Variants in STXBP6 observed in about 807,000 individuals in gnomAD.
STXBP6 encodes the protein syntaxin binding protein 6.
STXBP6 carries 21 observed loss-of-function variants against 26.9 expected under a neutral mutation model. The observed-to-expected ratio is 0.78, with a 90% CI of 0.55 to 1.12. STXBP6 has a LOEUF of 1.12. Ranked by LOEUF, STXBP6 falls within the 50% of genes most tolerant of loss-of-function variation. The pLI, the probability that STXBP6 is intolerant of heterozygous loss-of-function variation, is 0.00. For synonymous variants in STXBP6, 97 were observed against 92.6 expected (o/e 1.05, Z -0.27); for missense variants, 232 against 257.9 (o/e 0.90, Z 0.69).
At chr14:24,881,587 G>A (rs1178177436) in intron 2 of STXBP6, among the ~76,000 whole-genome samples, 1 of 152,222 alleles carries the variant, frequency 6.6e-6, no homozygotes, top group East Asian at 1.9e-4. Context: ...AGCCAGTCAT[G>A]ATATGAAGGC....
intron 1 of STXBP6, among the ~76,000 whole-genome samples, chr14:25,024,032 G>A (rs1016764595): frequency 3.3e-5 from 5 of 152,076 alleles, no homozygotes; most frequent in South Asian, 2.1e-4. Flanking sequence ...CATCTTGGCC[G>A]GGCGTGGTGG....
rs2073378552 is a variant in STXBP6, at chr14:24,957,392, C to T, written c.154+17273G>A. On this transcript the variant is annotated intron_variant, in intron 2 of 5. Coordinates refer to ENST00000323944, the MANE Select transcript of STXBP6 (RefSeq NM_001394410.1). ...CAATCAAGCTAGTGGCAAAACTTGT[C>T]ATCACGATCCTAATGTGTGTCAAGC... Among the ~76,000 whole-genome samples the T allele has an allele frequency of 2.0e-5, 3 of 152,346 alleles. 1 individual carries two copies. The highest frequency in any genetic ancestry group is 4.1e-4 in the South Asian group (2 of 4,828).
At chr14:25,041,010 C>T (rs1208403170) in intron 1 of STXBP6, among the ~76,000 whole-genome samples, 3 of 152,086 alleles carry the variant, frequency 2.0e-5, no homozygotes, top group Admixed American at 2.0e-4. Context: ...TTCCTATATT[C>T]AAGGTAGACA....
At chr14:24,897,865 C>G (rs191821557) in intron 2 of STXBP6, among the ~76,000 whole-genome samples, 1 of 152,290 alleles carries the variant, frequency 6.6e-6, no homozygotes, top group Non-Finnish European at 1.5e-5. Context: ...TGCCTACAGA[C>G]TAAGTGGCTT....
intron 2 of STXBP6, among the ~76,000 whole-genome samples, chr14:24,957,128 T>C (rs758532315): frequency 2.0e-5 from 3 of 152,094 alleles, no homozygotes; most frequent in East Asian, 1.9e-4. Context: ...GTATGAGTTG[T>C]CCCCATTGTC....
rs375146251 is a variant in STXBP6, at chr14:24,988,136, G to A, written c.-32-13286C>T. ...ACCAGATAGAGAAATCACATAATGC[G>A]GGGCCAAAGTGCTCCTAGACTTCTA... is the stretch of plus-strand genomic sequence containing the variant. On this transcript the variant is annotated intron_variant, in intron 1 of 5. Coordinates refer to ENST00000323944, the MANE Select transcript of STXBP6 (RefSeq NM_001394410.1). Among the ~76,000 whole-genome samples, 95 of 152,318 alleles carry A rather than the reference G, an allele frequency of 6.2e-4. 1 individual carries two copies. The East Asian group carries it at 0.011, about 18-fold the overall frequency.
intron 2 of STXBP6, among the ~76,000 whole-genome samples, chr14:24,886,561 T>A (rs563065319): frequency 2.6e-5 from 4 of 152,324 alleles, no homozygotes; most frequent in Admixed American, 1.3e-4. Flanking sequence ...CATGTTCTTG[T>A]TATTTTATTC....
rs565248942 is a variant in STXBP6, at chr14:24,856,961, C to T, written c.285+66G>A. On this transcript the variant is annotated intron_variant, in intron 3 of 5. Transcript: ENST00000323944. The stretch of plus-strand genomic sequence containing the variant: ...TGATTCAAACCACCACTACCACTAC[C>T]AAGGTCAATCAGAGAGTCATCTTGT... The T allele has an allele frequency of 3.6e-5, 57 of 1,568,274 alleles. No homozygotes were observed. In the South Asian group the frequency reaches 6.2e-4, roughly 17 times the overall value.
chr14:25,015,542 A>G (rs908148661), intron 1 of STXBP6, among the ~76,000 whole-genome samples: 1 of 152,184 alleles, frequency 6.6e-6, no homozygotes, highest in African/African-American at 2.4e-5. Flanking sequence ...TAGAAAAAAA[A>G]AATCCTTTTG....
chr14:24,889,373 TAAG>T (rs1449588202), intron 2 of STXBP6, among the ~76,000 whole-genome samples: 1 of 127,516 alleles, frequency 7.8e-6, no homozygotes, highest in Non-Finnish European at 1.6e-5. Flanking sequence ...CAGGATGCTA[TAAG>T]AATACCCAGA....
At chr14:24,874,733 T>C (rs1444793214) in intron 2 of STXBP6, among the ~76,000 whole-genome samples, 1 of 152,190 alleles carries the variant, frequency 6.6e-6, no homozygotes, top group African/African-American at 2.4e-5. Context: ...TATGTGAGAA[T>C]CCATAACATG....
At chr14:24,843,650 A>T (rs1295246161) in intron 4 of STXBP6, among the ~76,000 whole-genome samples, 3 of 152,230 alleles carry the variant, frequency 2.0e-5, no homozygotes, top group Non-Finnish European at 4.4e-5. Context: ...ATTCATCCAC[A>T]GACCAATAAC....
chr14:24,867,647 A>G (rs1435621612), intron 2 of STXBP6, among the ~76,000 whole-genome samples: 1 of 151,116 alleles, frequency 6.6e-6, no homozygotes, highest in African/African-American at 2.4e-5. Context: ...TATACTTTGT[A>G]CTATACACAA....
At chr14:24,836,510 A>C (rs1375100736) in intron 4 of STXBP6, among the ~76,000 whole-genome samples, 1 of 146,512 alleles carries the variant, frequency 6.8e-6, no homozygotes, top group Non-Finnish European at 1.5e-5. Context: ...AGTCAGGAAG[A>C]ATTGCTTGAA....
chr14:24,810,867 G>GTGTGTGTC lies in STXBP6; in HGVS notation c.*1841_*1842insGACACACA, dbSNP rs1566366702. 1 of 138,856 alleles carries GTGTGTGTC rather than the reference G, an allele frequency of 7.2e-6. No individual in the cohort carries two copies. Among genetic ancestry groups the GTGTGTGTC allele is most frequent in the African/African-American group, 2.7e-5 (1 of 37,248 alleles). The allele number at this position is 138,856 out of a possible 1,614,324, so 8.6% of individuals were successfully genotyped here. A position where few individuals can be genotyped will look rare whatever the true frequency, so the allele number is the denominator to read the frequency against. On this transcript the variant is annotated 3_prime_UTR_variant, in exon 6 of 6. Coordinates refer to ENST00000323944, the MANE Select transcript of STXBP6 (RefSeq NM_001394410.1). ...AATTTGGAAAGATAAATACATCTCT[G>GTGTGTGTC]TGTGTGTGTGTGTGTGTGTGTGTGT...
intron 1 of STXBP6, among the ~76,000 whole-genome samples, chr14:24,991,633 T>C (rs1209285326): frequency 6.6e-6 from 1 of 152,238 alleles, no homozygotes; most frequent in Non-Finnish European, 1.5e-5. Context: ...AGATGACTTT[T>C]GTCTTTTACA....
chr14:24,896,107 T>C (rs1043213764), intron 2 of STXBP6, among the ~76,000 whole-genome samples: 1 of 152,100 alleles, frequency 6.6e-6, no homozygotes, highest in South Asian at 2.1e-4. Flanking sequence ...CTGACATGAA[T>C]GTCCTAGAAA....
intron 3 of STXBP6, among the ~76,000 whole-genome samples, chr14:24,856,556 A>G (rs2069339215): frequency 6.6e-6 from 1 of 152,072 alleles, no homozygotes; most frequent in South Asian, 2.1e-4. Flanking sequence ...AGCAACGGGA[A>G]TGTACTTTGC....
intron 4 of STXBP6, among the ~76,000 whole-genome samples, chr14:24,822,008 A>T (rs1240052419): frequency 6.6e-6 from 1 of 152,042 alleles, no homozygotes; most frequent in East Asian, 1.9e-4. Context: ...GAGCAATCTC[A>T]TCCAGCTCCT....
Sources: gnomAD v4.1 joint callset for allele counts (sites outside exome capture counted in the v4.1 genomes callset) on GRCh38, gnomAD v4.1.1 for gene constraint, MANE v1.5 for transcripts, NCBI Gene and HGNC (gene_info 2026-07-23, HGNC 2026-07-21) for gene names.